ZNF536: variants seen among roughly 807,000 people sequenced by gnomAD.
The protein encoded by ZNF536 is zinc finger protein 536.
ZNF536 carries 13 observed loss-of-function variants against 84.5 expected under a neutral mutation model. That is an observed-to-expected ratio of 0.15 (90% confidence interval 0.10 to 0.24). ZNF536 has a LOEUF of 0.24. Among genes scored for constraint, ZNF536 ranks in the 10% least tolerant of loss-of-function variants. The pLI is 1.00. For missense variants in ZNF536, 1,536 were observed against 1,747.5 expected, an observed-to-expected ratio of 0.88 and a Z score of 2.16; for synonymous variants, 811 against 742.5, an observed-to-expected ratio of 1.09 and a Z score of -1.50.
intron 1 of ZNF536, among the ~76,000 whole-genome samples, chr19:30,666,941 T>A (rs1228414064): frequency 1.3e-5 from 2 of 151,872 alleles, no homozygotes; most frequent in Non-Finnish European, 2.9e-5. Context: ...TCTGGAAAAG[T>A]CAGAAGTTGT....
chr19:30,442,661 T>C (rs906738830), intron 1 of ZNF536, among the ~76,000 whole-genome samples: 1 of 152,234 alleles, frequency 6.6e-6, no homozygotes, highest in African/African-American at 2.4e-5. Context: ...TAAGATTCCG[T>C]CAGGAGATAA....
At chr19:30,421,337 C>T (rs1010719723) in intron 1 of ZNF536, among the ~76,000 whole-genome samples, 1 of 152,090 alleles carries the variant, frequency 6.6e-6, no homozygotes, top group African/African-American at 2.4e-5. Context: ...ACAGCCTGTC[C>T]TGACCAGGGA....
chr19:30,395,685 C>T (rs775266747), intron 1 of ZNF536, among the ~76,000 whole-genome samples: 1 of 152,202 alleles, frequency 6.6e-6, no homozygotes, highest in African/African-American at 2.4e-5. Context: ...GTGGCTGAGT[C>T]TGAGAGGCAG....
chr19:30,493,009 C>G (rs1470350872), intron 2 of ZNF536, among the ~76,000 whole-genome samples: 2 of 151,760 alleles, frequency 1.3e-5, no homozygotes, highest in Non-Finnish European at 2.9e-5. Flanking sequence ...GTCAGTCTGC[C>G]GCCAGCATTT....
intron 1 of ZNF536, among the ~76,000 whole-genome samples, chr19:30,568,345 A>G (rs1030624695): frequency 2.0e-5 from 3 of 152,252 alleles, no homozygotes; most frequent in African/African-American, 7.2e-5. Context: ...GACCTTGGAT[A>G]CCATGAAATC....
At chr19:30,256,471 A>G (rs1799916535) in intron 1 of ZNF536, among the ~76,000 whole-genome samples, 1 of 152,250 alleles carries the variant, frequency 6.6e-6, no homozygotes, top group Non-Finnish European at 1.5e-5. Flanking sequence ...ATAGCGACGT[A>G]TGTTTAATCA....
intron 1 of ZNF536, among the ~76,000 whole-genome samples, chr19:30,245,033 A>G (rs1051288227): frequency 6.6e-6 from 1 of 152,100 alleles, no homozygotes; most frequent in South Asian, 2.1e-4. Context: ...AGCTGTCCCC[A>G]TCTGCCACCC....
At chr19:30,613,774 A>T (rs2048184991) in intron 1 of ZNF536, among the ~76,000 whole-genome samples, 1 of 152,256 alleles carries the variant, frequency 6.6e-6, no homozygotes. Flanking sequence ...ATATTTTAAT[A>T]CATTTTAATA....
intron 1 of ZNF536, among the ~76,000 whole-genome samples, chr19:30,601,248 AT>A (rs1217269873): frequency 6.6e-6 from 1 of 152,130 alleles, no homozygotes; most frequent in Middle Eastern, 3.2e-3. Context: ...ATCCCAGCAG[AT>A]TTTTCCCCAC....
intron 3 of ZNF536, among the ~76,000 whole-genome samples, chr19:30,547,026 A>G (rs1306450950): frequency 6.6e-6 from 1 of 152,142 alleles, no homozygotes; most frequent in East Asian, 1.9e-4. Context: ...AAATTATCTT[A>G]TATGTTTTAA....
chr19:30,474,710 A>G (rs532767726), intron 2 of ZNF536, among the ~76,000 whole-genome samples: 3 of 152,356 alleles, frequency 2.0e-5, no homozygotes, highest in Admixed American at 2.0e-4. Context: ...GTACAGGAGC[A>G]GATCATTTTT....
chr19:30,551,049 T>A (rs1313975077), intron 4 of ZNF536, among the ~76,000 whole-genome samples: 1 of 151,742 alleles, frequency 6.6e-6, no homozygotes, highest in African/African-American at 2.4e-5. Context: ...GGGGGAGCAA[T>A]GTTGAAGGCT....
intron 2 of ZNF536, among the ~76,000 whole-genome samples, chr19:30,315,434 G>T (rs968401795): frequency 6.6e-6 from 1 of 152,140 alleles, no homozygotes; most frequent in African/African-American, 2.4e-5. Flanking sequence ...AGGAAGGAAG[G>T]ATGATGGTGG....
intron 1 of ZNF536, among the ~76,000 whole-genome samples, chr19:30,381,486 T>A (rs941418023): frequency 5.9e-5 from 9 of 152,184 alleles, no homozygotes; most frequent in African/African-American, 2.2e-4. Flanking sequence ...GATCTGGGAC[T>A]GGCATGGGAA....
intron 1 of ZNF536, among the ~76,000 whole-genome samples, chr19:30,633,319 G>C (rs775930159): frequency 6.6e-6 from 1 of 152,064 alleles, no homozygotes; most frequent in Non-Finnish European, 1.5e-5. Context: ...ATAATTATGA[G>C]GTACAAAGAG....
At chr19:30,591,213 G>C (rs2047266433) in intron 1 of ZNF536, among the ~76,000 whole-genome samples, 1 of 152,206 alleles carries the variant, frequency 6.6e-6, no homozygotes, top group Admixed American at 6.5e-5. Context: ...TGTCAGGGCA[G>C]GGATCCGAGG....
chr19:30,489,585 A>G (rs2054429084), intron 2 of ZNF536, among the ~76,000 whole-genome samples: 1 of 152,224 alleles, frequency 6.6e-6, no homozygotes, highest in Admixed American at 6.5e-5. Context: ...CGGTCTCTAA[A>G]AATGAAAGTA....
At chr19:30,424,100 A>G (rs1010268070) in intron 1 of ZNF536, among the ~76,000 whole-genome samples, 5 of 152,166 alleles carry the variant, frequency 3.3e-5, no homozygotes, top group African/African-American at 1.2e-4. Flanking sequence ...GCCAGGGGAC[A>G]CTTTGTTTCT....
intron 1 of ZNF536, among the ~76,000 whole-genome samples, chr19:30,596,974 T>G (rs769180259): frequency 2.0e-5 from 3 of 152,218 alleles, no homozygotes; most frequent in Non-Finnish European, 4.4e-5. Flanking sequence ...CTGTTTTCTT[T>G]TGCAATGCTA....
Sources: allele counts gnomAD v4.1 joint callset (sites outside exome capture counted in the v4.1 genomes callset), GRCh38; gene constraint gnomAD v4.1.1; transcripts MANE v1.5; gene names NCBI Gene and HGNC (gene_info 2026-07-23, HGNC 2026-07-21).